Variants in NUB1 observed in about 807,000 individuals in gnomAD.
NUB1 encodes negative regulator of ubiquitin like proteins 1, also known as NEDD8 ultimate buster 1.
NUB1 carries 41 observed loss-of-function variants against 77.1 expected under a neutral mutation model. The ratio of observed to expected loss-of-function variants is 0.53; its 90% confidence interval spans 0.41 to 0.69. The LOEUF (loss-of-function observed/expected upper bound fraction) is 0.69, where lower values mean the gene tolerates loss of function less well. NUB1 is among the 30% of genes least tolerant of loss of function. The pLI is 0.00. For missense variants in NUB1, 643 were observed against 743.8 expected, an observed-to-expected ratio of 0.86 and a Z score of 1.58; for synonymous variants, 257 against 281.0, an observed-to-expected ratio of 0.91 and a Z score of 0.85.
chr7:151,360,543 A>T lies in NUB1; in HGVS notation c.800+296A>T, dbSNP rs1797327000. ...AAAGTTTCCTGTCAGCTTTTCACCT[A>T]ATGGTTTTGGGGTAGTATTGATGAT... On this transcript the variant is annotated intron_variant, in intron 8 of 14. Transcript: ENST00000568733. 1.4e-5 allele frequency: 4 copies of T among 284,178 alleles called. No individual in the cohort carries two copies. The South Asian group carries it at 3.6e-4, about 25-fold the overall frequency. The allele number at this position is 284,178 out of a possible 1,614,324, so 17.6% of individuals were successfully genotyped here. A position where few individuals can be genotyped will look rare whatever the true frequency, so the allele number is the denominator to read the frequency against.
intron 11 of NUB1, among the ~76,000 whole-genome samples, chr7:151,373,820 G>T (rs770495796): frequency 6.6e-6 from 1 of 152,228 alleles, no homozygotes; most frequent in African/African-American, 2.4e-5. Context: ...TCCTGATGCC[G>T]GATGGTGGAT....
chr7:151,359,320 G>A (rs1440313767), intron 7 of NUB1, among the ~76,000 whole-genome samples: 3 of 151,386 alleles, frequency 2.0e-5, no homozygotes, highest in Non-Finnish European at 4.4e-5. Context: ...GTGGGTACCT[G>A]TAGTCCCAGC....
intron 10 of NUB1, among the ~76,000 whole-genome samples, chr7:151,368,241 A>C (rs1797786325): frequency 6.6e-6 from 1 of 152,206 alleles, no homozygotes; most frequent in Non-Finnish European, 1.5e-5. Flanking sequence ...AGCAGTGAGC[A>C]GCCCGCCAGC....
chr7:151,351,678 G>T (rs1796801898), intron 4 of NUB1, among the ~76,000 whole-genome samples, 196 bp downstream of exon 4: 2 of 152,130 alleles, frequency 1.3e-5, no homozygotes, highest in African/African-American at 4.8e-5. Context: ...GAGGACTCAA[G>T]ACTTGCAAGC....
At chr7:151,359,008 T>G (rs1359342952) in intron 7 of NUB1, among the ~76,000 whole-genome samples, 1 of 151,358 alleles carries the variant, frequency 6.6e-6, no homozygotes, top group Non-Finnish European at 1.5e-5. Flanking sequence ...GAGGTTGCAG[T>G]GAGCCGAGAT....
chr7:151,348,173 G>A (rs1796594377), intron 2 of NUB1, among the ~76,000 whole-genome samples: 1 of 152,030 alleles, frequency 6.6e-6, no homozygotes, highest in South Asian at 2.1e-4. Flanking sequence ...ATTTTTTTGG[G>A]GAGGAACCAT....
At position 151,343,246 on chromosome 7, in the gene NUB1, C is replaced by T. The variant is rs117705450; in HGVS notation, c.-3+1400C>T. On this transcript the variant is annotated intron_variant, in intron 1 of 14. Transcript: ENST00000568733. Reference sequence around the variant, plus strand: ...ATTCTCCCATGGGCCACCCAGGTTGCACACAGCAGCCTCATTGGCTGTGTT... The same window carrying T: ...ATTCTCCCATGGGCCACCCAGGTTGTACACAGCAGCCTCATTGGCTGTGTT... Among the ~76,000 whole-genome samples the T allele has an allele frequency of 4.6e-4, 70 of 152,350 alleles. 1 individual carries two copies. The East Asian group carries it at 0.011, about 23-fold the overall frequency.
intron 5 of NUB1, 36 bp from the exon 6 acceptor site, chr7:151,355,732 G>A (rs1584946743): frequency 1.3e-6 from 2 of 1,519,088 alleles, no homozygotes; most frequent in Non-Finnish European, 1.8e-6. Flanking sequence ...AAGCTTAATG[G>A]CTTTTTAAAA....
At chr7:151,364,397 G>A (rs180944737) in intron 8 of NUB1, among the ~76,000 whole-genome samples, 2 of 148,328 alleles carry the variant, frequency 1.3e-5, no homozygotes, top group Non-Finnish European at 3.0e-5. Context: ...CTCCAGCCTG[G>A]AGGAGAGAGC....
intron 4 of NUB1, chr7:151,352,254 A>C: frequency 2.3e-6 from 1 of 434,768 alleles, no homozygotes. Flanking sequence ...GATCTACAGC[A>C]CTGTGGTCTC....
chr7:151,373,787 G>C (rs1463702773), intron 11 of NUB1, among the ~76,000 whole-genome samples: 1 of 152,260 alleles, frequency 6.6e-6, no homozygotes, highest in African/African-American at 2.4e-5. Context: ...TGCAGTGGGA[G>C]TGCTGGGTTG....
chr7:151,376,587 G>A (rs1301616564), intron 13 of NUB1, 47 bp from the exon 14 acceptor site: 1 of 1,532,180 alleles, frequency 6.5e-7, no homozygotes, highest in Non-Finnish European at 8.8e-7. Context: ...GGGGGTGGCA[G>A]AAGAGGCGCC....
At chr7:151,360,470 CTCT>C (rs944228543) in intron 8 of NUB1, 147 of 458,582 alleles carry the variant, frequency 3.2e-4, no homozygotes, top group African/African-American at 2.7e-3. Flanking sequence ...AGGATATCCT[CTCT>C]TCTTCTGTAC....
At chr7:151,375,791 G>C (rs1798188928) in intron 12 of NUB1, 57 bp from the exon 13 acceptor site, 1 of 1,173,478 alleles carries the variant, frequency 8.5e-7, no homozygotes, top group South Asian at 1.2e-5. Flanking sequence ...TGCAGCGCCT[G>C]TCTGAATGTG....
chr7:151,368,907 C>T lies in NUB1; in HGVS notation c.1248+20C>T. ...AGAGAGGTACCCACTTTCACATGCC[C>T]TAGCTCTCTTGGGTATGAAAGAACA... is the stretch of plus-strand genomic sequence containing the variant. On this transcript the variant is annotated intron_variant, in intron 11 of 14. Coordinates refer to ENST00000568733, the MANE Select transcript of NUB1 (RefSeq NM_001243351.2). The T allele has an allele frequency of 1.3e-6, 2 of 1,596,394 alleles. No individual in the cohort carries two copies. The highest frequency in any genetic ancestry group is 1.3e-5 in the African/African-American group (1 of 74,244).
Position 151,353,104 on chromosome 7 carries a change from C to T in NUB1, c.415+222C>T, listed in dbSNP as rs1409589161. The stretch of plus-strand genomic sequence containing the variant: ...ATAGTGGGAAGAAAGACACTCATTA[C>T]AGCTTAGATAAAATGTTAGAGAATG... On this transcript the variant is annotated intron_variant, in intron 5 of 14. Coordinates refer to ENST00000568733, the MANE Select transcript of NUB1 (RefSeq NM_001243351.2). Among the ~76,000 whole-genome samples the T allele has an allele frequency of 2.0e-5, 3 of 152,200 alleles. No individual in the cohort carries two copies. In the East Asian group the frequency reaches 5.8e-4, roughly 29 times the overall value.
chr7:151,360,388 G>A (rs911249708), intron 8 of NUB1, 141 bp downstream of exon 8: 2 of 483,860 alleles, frequency 4.1e-6, no homozygotes, highest in Non-Finnish European at 7.4e-6. Context: ...GTGTAAACTG[G>A]TGAATTTCTT....
chr7:151,368,047 G>A (rs1404890320), intron 10 of NUB1, 79 bp downstream of exon 10: 1 of 823,114 alleles, frequency 1.2e-6, no homozygotes, highest in African/African-American at 1.7e-5. Flanking sequence ...TAACTTAGTA[G>A]TTTGTGACTT....
rs1563023311 is a variant in NUB1, at chr7:151,364,453, A to AAC, written c.801-2486_801-2485insAC. ...AAAACAAAAAAAAACAAAAAAAAAA[A>AAC]CAAAAAAACTGTAAGACAAACATAA... On this transcript the variant is annotated intron_variant, in intron 8 of 14. Coordinates refer to ENST00000568733, the MANE Select transcript of NUB1 (RefSeq NM_001243351.2). Among the ~76,000 whole-genome samples, 93 of 150,386 alleles carry AAC rather than the reference A, an allele frequency of 6.2e-4. No homozygotes were observed. In the East Asian group the frequency reaches 0.012, roughly 19 times the overall value.
Sources: gnomAD v4.1 joint callset for allele counts (sites outside exome capture counted in the v4.1 genomes callset) on GRCh38, gnomAD v4.1.1 for gene constraint, MANE v1.5 for transcripts, NCBI Gene and HGNC (gene_info 2026-07-23, HGNC 2026-07-21) for gene names.